The following NALF1 variants were observed in gnomAD, a reference collection of about 807,000 sequenced individuals.
The protein encoded by NALF1 is NALCN channel auxiliary factor 1, also known as family with sequence similarity 155 member A.
In NALF1, 3 loss-of-function variants were observed where a neutral mutation model predicts 48.4. That is an observed-to-expected ratio of 0.06 (90% confidence interval 0.03 to 0.16). The LOEUF is 0.16. Ranked by LOEUF, NALF1 falls within the 10% of genes least tolerant of loss-of-function variation. The probability of loss-of-function intolerance (pLI) is 1.00; values close to 1 mark genes in which losing one functional copy is unlikely to be tolerated. For missense variants in NALF1, 526 were observed against 571.5 expected, an observed-to-expected ratio of 0.92 and a Z score of 0.81; for synonymous variants, 262 against 245.7, an observed-to-expected ratio of 1.07 and a Z score of -0.62.
chr13:107,299,054 C>T (rs1881783163), intron 1 of NALF1, among the ~76,000 whole-genome samples: 1 of 152,014 alleles, frequency 6.6e-6, no homozygotes, highest in African/African-American at 2.4e-5. Context: ...CTTTCTTTAT[C>T]TTTCATGATC....
At chr13:107,590,764 G>C (rs1173655328) in intron 1 of NALF1, among the ~76,000 whole-genome samples, 1 of 151,928 alleles carries the variant, frequency 6.6e-6, no homozygotes, top group Non-Finnish European at 1.5e-5. Context: ...TTGAGCCTGT[G>C]TGTCATGTCG....
chr13:107,269,354 A>C (rs746498833), intron 1 of NALF1, among the ~76,000 whole-genome samples: 2 of 152,036 alleles, frequency 1.3e-5, no homozygotes, highest in Non-Finnish European at 2.9e-5. Flanking sequence ...TTGGTAATTG[A>C]TTGGATAAAT....
chr13:107,634,122 A>G (rs560552437), intron 1 of NALF1, among the ~76,000 whole-genome samples: 28 of 152,208 alleles, frequency 1.8e-4, no homozygotes, highest in Middle Eastern at 3.4e-3. Flanking sequence ...GATACCAGGT[A>G]GAGAACATCA....
intron 1 of NALF1, among the ~76,000 whole-genome samples, chr13:107,237,387 A>G (rs1038766558): frequency 1.3e-4 from 20 of 152,082 alleles, no homozygotes; most frequent in African/African-American, 4.6e-4. Flanking sequence ...ATTTTGTTGT[A>G]CTTATCTCAC....
rs565442047 is a variant in NALF1 at position 107,410,804 on chromosome 13, A to C, written c.916-200049T>G. The stretch of plus-strand genomic sequence containing the variant: ...TAAAAGACAAGGACAATAATGATTA[A>C]TATTTCACATACTCTGAAAAATATT... On this transcript the variant is annotated intron_variant, in intron 1 of 2. Coordinates refer to ENST00000375915, the MANE Select transcript of NALF1 (RefSeq NM_001080396.3). 7.8e-4 allele frequency among the ~76,000 whole-genome samples: 119 copies of C among 152,290 alleles called. 1 individual carries two copies. The highest frequency in any genetic ancestry group is 2.7e-3 in the African/African-American group (114 of 41,568).
intron 2 of NALF1, among the ~76,000 whole-genome samples, chr13:107,173,819 T>G (rs938586195): frequency 2.0e-5 from 3 of 152,214 alleles, no homozygotes; most frequent in Admixed American, 2.0e-4. Context: ...GAAATGATCG[T>G]TCTTCAGATT....
At chr13:107,832,105 TG>T (rs1184796047) in intron 1 of NALF1, among the ~76,000 whole-genome samples, 2 of 152,146 alleles carry the variant, frequency 1.3e-5, no homozygotes, top group Admixed American at 1.3e-4. Context: ...AAACCAAAAC[TG>T]TGACATGAAC....
chr13:107,841,860 G>T, intron 1 of NALF1, among the ~76,000 whole-genome samples: 1 of 151,806 alleles, frequency 6.6e-6, no homozygotes, highest in East Asian at 1.9e-4. Flanking sequence ...TCTTGCAAAA[G>T]AATGCTTTCT....
chr13:107,739,238 A>T (rs1876556699), intron 1 of NALF1, among the ~76,000 whole-genome samples: 1 of 151,948 alleles, frequency 6.6e-6, no homozygotes, highest in East Asian at 1.9e-4. Context: ...ATGATGGTTG[A>T]TAGGTGCAGC....
chr13:107,305,030 T>C lies in NALF1; in HGVS notation c.916-94275A>G, dbSNP rs117489002. On this transcript the variant is annotated intron_variant, in intron 1 of 2. Coordinates refer to ENST00000375915, the MANE Select transcript of NALF1 (RefSeq NM_001080396.3). ...AAGCTATTAAAATGAATGTGACCAATAGTTTTCAGAATAACAGTTGCTTGA... is the reference window on the plus strand; with the variant it reads ...AAGCTATTAAAATGAATGTGACCAACAGTTTTCAGAATAACAGTTGCTTGA... Among the ~76,000 whole-genome samples, 292 of 152,332 alleles carry C rather than the reference T, an allele frequency of 1.9e-3. 2 individuals are homozygous for C. The highest frequency in any genetic ancestry group is 0.014 in the Admixed American group (209 of 15,308).
chr13:107,309,907 T>C (rs1349438295), intron 1 of NALF1, among the ~76,000 whole-genome samples: 1 of 152,198 alleles, frequency 6.6e-6, no homozygotes, highest in African/African-American at 2.4e-5. Flanking sequence ...AGTTTTACAG[T>C]AGTGAAGATT....
chr13:107,401,785 T>C (rs1883812576), intron 1 of NALF1, among the ~76,000 whole-genome samples: 1 of 152,126 alleles, frequency 6.6e-6, no homozygotes, highest in Non-Finnish European at 1.5e-5. Context: ...GATTGCATAA[T>C]ACATTTAGGA....
At chr13:107,373,769 T>A (rs1280034138) in intron 1 of NALF1, among the ~76,000 whole-genome samples, 1 of 152,104 alleles carries the variant, frequency 6.6e-6, no homozygotes, top group Non-Finnish European at 1.5e-5. Flanking sequence ...GACCATGAGA[T>A]TTAGTCTGAC....
chr13:107,785,467 G>A (rs188470462), intron 1 of NALF1, among the ~76,000 whole-genome samples: 77 of 152,282 alleles, frequency 5.1e-4, no homozygotes, highest in African/African-American at 9.9e-4. Context: ...GCCAAACATC[G>A]TATGTTTTCA....
chr13:107,597,827 A>G (rs576964580), intron 1 of NALF1, among the ~76,000 whole-genome samples: 7 of 152,186 alleles, frequency 4.6e-5, no homozygotes, highest in African/African-American at 1.4e-4. Flanking sequence ...TATCCACAAC[A>G]TTATGTAGAA....
In NALF1 at chr13:107,573,272, T is replaced by C. The variant is rs1210920032; in HGVS notation, c.915+292410A>G. Reference sequence around the variant, plus strand: ...CCTAACATACTTCTGCTCTTATTTATCTAATTTTTTTATCTTGTACATTTT... The same window carrying C: ...CCTAACATACTTCTGCTCTTATTTACCTAATTTTTTTATCTTGTACATTTT... On this transcript the variant is annotated intron_variant, in intron 1 of 2. Coordinates refer to ENST00000375915, the MANE Select transcript of NALF1 (RefSeq NM_001080396.3). Among the ~76,000 whole-genome samples the C allele has an allele frequency of 2.0e-5, 3 of 152,292 alleles. No individual in the cohort carries two copies. In the East Asian group the frequency reaches 5.8e-4, roughly 29 times the overall value.
At chr13:107,831,606 C>T (rs575076693) in intron 1 of NALF1, among the ~76,000 whole-genome samples, 5 of 151,932 alleles carry the variant, frequency 3.3e-5, no homozygotes, top group Admixed American at 2.0e-4. Context: ...AAATCTGGAA[C>T]CAAGCTTGAA....
At chr13:107,271,826 TTATA>T (rs1881182857) in intron 1 of NALF1, among the ~76,000 whole-genome samples, 1 of 130,690 alleles carries the variant, frequency 7.7e-6, no homozygotes, top group Admixed American at 7.8e-5. Context: ...ATTTATATAT[TTATA>T]TATACAAATA....
At chr13:107,398,386 C>CAAA (rs11369345) in intron 1 of NALF1, among the ~76,000 whole-genome samples, 4 of 128,426 alleles carry the variant, frequency 3.1e-5, no homozygotes, top group Non-Finnish European at 3.4e-5. Flanking sequence ...AACAAACATC[C>CAAA]AAAAAAAAAA....
Sources: allele counts gnomAD v4.1 joint callset (sites outside exome capture counted in the v4.1 genomes callset), GRCh38; gene constraint gnomAD v4.1.1; transcripts MANE v1.5; gene names NCBI Gene and HGNC (gene_info 2026-07-23, HGNC 2026-07-21).